The following RAP1GAP2 variants were observed in gnomAD, a reference collection of about 807,000 sequenced individuals.
The protein encoded by RAP1GAP2 is rap1 GTPase-activating protein 2.
In RAP1GAP2, 27 loss-of-function variants were observed where a neutral mutation model predicts 95.0. The observed-to-expected ratio is 0.28, with a 90% confidence interval of 0.21 to 0.39. The LOEUF is 0.39. Ranked by LOEUF, RAP1GAP2 falls within the 10% of genes least tolerant of loss-of-function variation. The probability of loss-of-function intolerance (pLI) is 1.00; values close to 1 mark genes in which losing one functional copy is unlikely to be tolerated. For synonymous variants in RAP1GAP2, 373 were observed against 380.9 expected, an observed-to-expected ratio of 0.98 and a Z score of 0.24; for missense variants, 771 against 970.0, an observed-to-expected ratio of 0.79 and a Z score of 2.72.
chr17:2,849,538 GGGCTGTGCAGCT>G (rs1236779247), intron 2 of RAP1GAP2, among the ~76,000 whole-genome samples: 1 of 152,322 alleles, frequency 6.6e-6, no homozygotes, highest in East Asian at 1.9e-4. Context: ...CCTCAGGAAC[GGGCTGTGCAGCT>G]GTCTGCGCTC....
rs78166539 is a variant in RAP1GAP2, at chr17:2,838,616, C to T, written c.80+38066C>T. Among the ~76,000 whole-genome samples the T allele has an allele frequency of 0.01, 1,530 of 152,242 alleles. 57 individuals are homozygous for T. In the East Asian group the frequency reaches 0.1, roughly 10 times the overall value. On this transcript the variant is annotated intron_variant, in intron 2 of 24. Transcript: ENST00000254695. ...TGTCCCACTGCGGGAACCCTTTGCT[C>T]ATTCTCCGAGCTCCAGATGAGGAAG... is the stretch of plus-strand genomic sequence containing the variant.
Position 2,895,791 on chromosome 17 carries a change from C to T in RAP1GAP2, c.81-9493C>T, listed in dbSNP as rs144122784. ...TGAGGCTTCACCACATTGGCCAGGC[C>T]GGTCTCAAACTCCTGACCTCTAGTG... On this transcript the variant is annotated intron_variant, in intron 2 of 24. Coordinates refer to ENST00000254695, the MANE Select transcript of RAP1GAP2 (RefSeq NM_015085.5). 6.0e-4 allele frequency among the ~76,000 whole-genome samples: 92 copies of T among 152,170 alleles called. 1 individual carries two copies. The highest frequency in any genetic ancestry group is 1.9e-3 in the African/African-American group (78 of 41,538).
chr17:2,798,367 G>A (rs1009849750), intron 1 of RAP1GAP2, among the ~76,000 whole-genome samples: 9 of 152,266 alleles, frequency 5.9e-5, no homozygotes, highest in South Asian at 2.1e-4. Flanking sequence ...TGGACTCATC[G>A]AGGTCTTTTG....
chr17:2,854,219 C>A (rs946046276), intron 2 of RAP1GAP2: 32 of 897,998 alleles, frequency 3.6e-5, no homozygotes, highest in Middle Eastern at 5.8e-4. Context: ...AAAGCCTCCT[C>A]TCCAGGTACC....
upstream of RAP1GAP2, among the ~76,000 whole-genome samples, chr17:2,794,203 G>A (rs1282500628): frequency 1.3e-5 from 2 of 152,020 alleles, no homozygotes; most frequent in African/African-American, 4.8e-5. Flanking sequence ...CACAGCCCCA[G>A]GCTTTCATCT....
At chr17:2,969,493 A>ATT (rs2044761423) in intron 8 of RAP1GAP2, among the ~76,000 whole-genome samples, 2 of 101,880 alleles carry the variant, frequency 2.0e-5, no homozygotes, top group Admixed American at 1.3e-4. Context: ...AAATATATAT[A>ATT]TTCTTTTTTT....
chr17:2,845,187 C>A (rs748082942), intron 2 of RAP1GAP2, among the ~76,000 whole-genome samples: 3 of 152,156 alleles, frequency 2.0e-5, no homozygotes, highest in African/African-American at 7.2e-5. Flanking sequence ...CTGTTGCTCA[C>A]GCTGGAGTGC....
At chr17:2,952,388 T>C (rs947409215) in intron 3 of RAP1GAP2, among the ~76,000 whole-genome samples, 3 of 152,258 alleles carry the variant, frequency 2.0e-5, no homozygotes, top group South Asian at 2.1e-4. Context: ...TTAGACTTTT[T>C]GGCCCTTAAA....
chr17:2,893,631 G>A (rs533508751), intron 2 of RAP1GAP2, among the ~76,000 whole-genome samples: 67 of 152,328 alleles, frequency 4.4e-4, no homozygotes, highest in African/African-American at 1.4e-3. Flanking sequence ...TGTGACTCCC[G>A]GCTTTTGTGA....
intron 3 of RAP1GAP2, among the ~76,000 whole-genome samples, chr17:2,956,243 G>T (rs867343191): frequency 3.9e-5 from 6 of 152,204 alleles, no homozygotes; most frequent in Non-Finnish European, 7.3e-5. Flanking sequence ...TTGGGCGCGG[G>T]TGCCCTAAGC....
chr17:2,930,583 C>T (rs2043109586), intron 3 of RAP1GAP2, among the ~76,000 whole-genome samples: 1 of 152,226 alleles, frequency 6.6e-6, no homozygotes. Context: ...GCAGCACCAG[C>T]TCTTGGAGCC....
intron 1 of RAP1GAP2, 155 bp from the exon 2 acceptor site, chr17:2,800,360 T>C: frequency 5.4e-6 from 4 of 740,668 alleles, no homozygotes; most frequent in Non-Finnish European, 4.9e-6. Context: ...GAGGCGTCTC[T>C]CCCCCTGCTA....
At chr17:3,010,660 T>G (rs571990107) in intron 17 of RAP1GAP2, among the ~76,000 whole-genome samples, 2 of 152,228 alleles carry the variant, frequency 1.3e-5, no homozygotes, top group Admixed American at 1.3e-4. Flanking sequence ...TGTGCTTGAC[T>G]CGAGGGGGTC....
At position 3,037,364 on chromosome 17, in the gene RAP1GAP2, A is replaced by AACCCCCCCCCCC. The variant is rs776881618; in HGVS notation, c.*4003_*4004insACCCCCCCCCCC. 1 of 29,686 alleles carries AACCCCCCCCCCC rather than the reference A, an allele frequency of 3.4e-5. No individual in the cohort carries two copies. Among genetic ancestry groups the AACCCCCCCCCCC allele is most frequent in the African/African-American group, 6.9e-5 (1 of 14,456 alleles). The allele number at this position is 29,686 out of a possible 1,614,324, so 1.8% of individuals were successfully genotyped here. A position where few individuals can be genotyped will look rare whatever the true frequency, so the allele number is the denominator to read the frequency against. On this transcript the variant is annotated 3_prime_UTR_variant, in exon 25 of 25. Coordinates refer to ENST00000254695, the MANE Select transcript of RAP1GAP2 (RefSeq NM_015085.5). ...ACATTTCTGCTTGGAAGTGTGAACT[A>AACCCCCCCCCCC]CCCCCCCCCCCCCGCTTCCTGCTCC...
chr17:2,848,554 C>G (rs4790369), intron 2 of RAP1GAP2, among the ~76,000 whole-genome samples: 80,588 of 149,868 alleles, frequency 0.54, 21,834 homozygotes, highest in African/African-American at 0.59. Flanking sequence ...TTGCTCTGTT[C>G]CCCAGGCTGG....
intron 2 of RAP1GAP2, among the ~76,000 whole-genome samples, chr17:2,876,837 G>A (rs2073116497): frequency 6.6e-6 from 1 of 151,936 alleles, no homozygotes; most frequent in Non-Finnish European, 1.5e-5. Context: ...CTGAGGGGAA[G>A]GGTCATCAGT....
At chr17:2,809,755 C>T (rs772088086) in intron 2 of RAP1GAP2, among the ~76,000 whole-genome samples, 17 of 152,208 alleles carry the variant, frequency 1.1e-4, no homozygotes, top group African/African-American at 1.4e-4. Context: ...CCAGATTGTG[C>T]ACCCCCTGGT....
chr17:2,967,467 C>T lies in RAP1GAP2; in HGVS notation c.596+1824C>T, dbSNP rs539133109. Among the ~76,000 whole-genome samples, 7 of 152,282 alleles carry T rather than the reference C, an allele frequency of 4.6e-5. No individual in the cohort carries two copies. In the East Asian group the frequency reaches 1.3e-3, roughly 29 times the overall value. On this transcript the variant is annotated intron_variant, in intron 8 of 24. Transcript: ENST00000254695. ...TGGAGATCTAGAAGAATCCTGTCCT[C>T]TTTAGGAGTGAGAGTGAGCCCTGGA...
chr17:2,978,475 G>A lies in RAP1GAP2; in HGVS notation c.597-1812G>A, dbSNP rs565882562. Among the ~76,000 whole-genome samples the A allele has an allele frequency of 4.6e-5, 7 of 152,266 alleles. No homozygotes were observed. In the South Asian group the frequency reaches 1.5e-3, roughly 32 times the overall value. On this transcript the variant is annotated intron_variant, in intron 8 of 24. Coordinates refer to ENST00000254695, the MANE Select transcript of RAP1GAP2 (RefSeq NM_015085.5). ...AAAATTCATGTCCCGGGTGGATAGAGTGGGATGGTGGAAGATTTCATCATG... is the reference window on the plus strand; with the variant it reads ...AAAATTCATGTCCCGGGTGGATAGAATGGGATGGTGGAAGATTTCATCATG...
Sources: allele counts gnomAD v4.1 joint callset (sites outside exome capture counted in the v4.1 genomes callset), GRCh38; gene constraint gnomAD v4.1.1; transcripts MANE v1.5; gene names NCBI Gene and HGNC (gene_info 2026-07-23, HGNC 2026-07-21).